The following MCMDC2 variants were observed in gnomAD, a reference collection of about 807,000 sequenced individuals.
The protein encoded by MCMDC2 is minichromosome maintenance domain-containing protein 2.
A neutral mutation model predicts 75.8 loss-of-function variants in MCMDC2; 54 were observed. The ratio of observed to expected loss-of-function variants is 0.71; its 90% CI spans 0.57 to 0.89. The LOEUF is 0.89. Ranked by LOEUF, MCMDC2 falls within the 40% of genes least tolerant of loss-of-function variation. MCMDC2 has a pLI of 0.00. For missense variants in MCMDC2, 656 were observed against 780.4 expected (o/e 0.84, Z 1.90); for synonymous variants, 249 against 274.6 (o/e 0.91, Z 0.92).
chr8:66,896,014 G>A (rs529172600), intron 10 of MCMDC2, among the ~76,000 whole-genome samples, 156 bp from the exon 11 acceptor site: 13 of 152,250 alleles, frequency 8.5e-5, no homozygotes, highest in South Asian at 2.1e-4. Context: ...TTTTATGGCA[G>A]AACTTAGAGC....
chr8:66,890,367 C>T (rs1812045820), intron 9 of MCMDC2, among the ~76,000 whole-genome samples: 1 of 152,112 alleles, frequency 6.6e-6, no homozygotes, highest in African/African-American at 2.4e-5. Context: ...CGCCTGGCCA[C>T]CATGGATGTT....
At chr8:66,886,773 TC>T (rs1811862136) in intron 9 of MCMDC2, among the ~76,000 whole-genome samples, 1 of 141,602 alleles carries the variant, frequency 7.1e-6, no homozygotes, top group Non-Finnish European at 1.5e-5. Context: ...AGACTCAGTC[TC>T]AAAAAAAAAA....
At chr8:66,902,255 G>A (rs1362877709) in intron 13 of MCMDC2, among the ~76,000 whole-genome samples, 1 of 151,344 alleles carries the variant, frequency 6.6e-6, no homozygotes, top group Non-Finnish European at 1.5e-5. Context: ...GCTGGGCCTG[G>A]TGGCAGGTGC....
Position 66,920,107 on chromosome 8 carries a change from A to T in MCMDC2, c.*938A>T, listed in dbSNP as rs1264015483. The T allele has an allele frequency of 1.3e-5, 2 of 152,222 alleles. No individual in the cohort carries two copies. Among genetic ancestry groups the T allele is most frequent in the African/African-American group, 4.8e-5 (2 of 41,450 alleles). The allele number at this position is 152,222 out of a possible 1,614,324, so 9.4% of individuals were successfully genotyped here. ...CAATTCTTTCAAAACTGGTCCCTTAACAGAGATGCTTAACTGTACAGCTGG... is the reference window on the plus strand; with the variant it reads ...CAATTCTTTCAAAACTGGTCCCTTATCAGAGATGCTTAACTGTACAGCTGG... On this transcript the variant is annotated 3_prime_UTR_variant, in exon 15 of 15. Coordinates refer to ENST00000422365, the MANE Select transcript of MCMDC2 (RefSeq NM_173518.5).
At chr8:66,871,272 A>G (rs1442114731) in intron 1 of MCMDC2, among the ~76,000 whole-genome samples, 1 of 152,092 alleles carries the variant, frequency 6.6e-6, no homozygotes, top group Admixed American at 6.6e-5. Context: ...TACATCTATC[A>G]GGGAATCCCA....
chr8:66,926,165 C>T (rs1813708752), downstream of MCMDC2: 1 of 152,092 alleles, frequency 6.6e-6, no homozygotes, highest in African/African-American at 2.4e-5. Flanking sequence ...AACCAAAAAA[C>T]ATATATATAG....
rs560676095 is a variant in MCMDC2, at chr8:66,883,954, G to A, written c.1033G>A (p.Asp345Asn). 6.2e-7 allele frequency: 1 copy of A among 1,613,616 alleles called. No individual in the cohort carries two copies. Among genetic ancestry groups the A allele is most frequent in the South Asian group, 1.1e-5 (1 of 91,070 alleles). The stretch of plus-strand genomic sequence containing the variant: ...TAACAAGGAACTGGAAGATTGCCTG[G>A]ATATTTTAATTATAACAAGTGATAC... ...DRNKELEDCLDILIITSDTLL... is the reference protein window; with the variant it reads ...DRNKELEDCLNILIITSDTLL... Residue 345 changes from aspartate to asparagine, a missense_variant, in exon 9 of 15, where the codon GAT (aspartate) becomes AAT (asparagine). By Grantham distance (23) the Asp-to-Asn change is conservative (BLOSUM62 1). Transcript: ENST00000422365.
chr8:66,902,724 A>G (rs1215707122), intron 13 of MCMDC2, among the ~76,000 whole-genome samples: 2 of 139,944 alleles, frequency 1.4e-5, no homozygotes, highest in African/African-American at 5.4e-5. Context: ...ATATATATAT[A>G]TATATATATA....
intron 10 of MCMDC2, among the ~76,000 whole-genome samples, chr8:66,891,293 T>A (rs4737815): frequency 0.98 from 149,132 of 152,318 alleles, 73,013 homozygotes; most frequent in East Asian, 1. Context: ...CTTGTAATGG[T>A]CCAGATTTAT....
At chr8:66,922,649 A>G (rs1349037745), downstream of MCMDC2, 2 of 372,150 alleles carry the variant, frequency 5.4e-6, no homozygotes, top group Admixed American at 6.0e-5. Flanking sequence ...TAGTTTTTTC[A>G]CAACCTTCTA....
intron 13 of MCMDC2, among the ~76,000 whole-genome samples, chr8:66,904,480 C>G (rs1435178301): frequency 6.6e-6 from 1 of 152,078 alleles, no homozygotes; most frequent in African/African-American, 2.4e-5. Context: ...TAGTTAGTTG[C>G]AAAACTTTCA....
intron 14 of MCMDC2, among the ~76,000 whole-genome samples, chr8:66,908,283 T>G (rs1313256200): frequency 6.6e-6 from 1 of 152,154 alleles, no homozygotes; most frequent in Non-Finnish European, 1.5e-5. Context: ...CTGTTTTCTG[T>G]GTATGGCTAG....
chr8:66,891,383 C>T (rs1291441557), intron 10 of MCMDC2, among the ~76,000 whole-genome samples: 1 of 152,186 alleles, frequency 6.6e-6, no homozygotes, highest in African/African-American at 2.4e-5. Context: ...AGGACATCCT[C>T]GCCTTGTTCC....
intron 10 of MCMDC2, among the ~76,000 whole-genome samples, chr8:66,894,780 G>A (rs541761464): frequency 2.6e-5 from 4 of 152,100 alleles, no homozygotes; most frequent in Non-Finnish European, 4.4e-5. Flanking sequence ...ATTCCCCACT[G>A]AAAGTGTACA....
At chr8:66,915,112 T>A (rs780646918) in intron 14 of MCMDC2, among the ~76,000 whole-genome samples, 1 of 152,022 alleles carries the variant, frequency 6.6e-6, no homozygotes, top group Non-Finnish European at 1.5e-5. Context: ...AAAGGATTGC[T>A]TGAGCCCAGG....
intron 14 of MCMDC2, among the ~76,000 whole-genome samples, chr8:66,910,157 CCTGCAGAAGTTTG>C (rs1813045854): frequency 6.6e-6 from 1 of 152,182 alleles, no homozygotes; most frequent in South Asian, 2.1e-4. Context: ...TGTGGATATC[CCTGCAGAAGTTTG>C]CTGCAGGGAT....
intron 12 of MCMDC2, among the ~76,000 whole-genome samples, chr8:66,897,355 C>T (rs1319171226): frequency 3.4e-5 from 5 of 148,370 alleles, no homozygotes; most frequent in East Asian, 4.0e-4. Flanking sequence ...TGCAGTGAGC[C>T]GAGATCGCAC....
chr8:66,916,781 TGGTTTTGAAGTAAGTGGGAACTCAA>T (rs1182685857), intron 14 of MCMDC2, among the ~76,000 whole-genome samples: 2 of 152,080 alleles, frequency 1.3e-5, no homozygotes, highest in Non-Finnish European at 2.9e-5. Context: ...GAGTGGGTTG[TGGTTTTGAAGTAAGTGGGAACTCAA>T]GGTTTTGAAG....
At chr8:66,874,278 ACTC>A in intron 2 of MCMDC2, 44 bp downstream of exon 2, 9 of 1,602,476 alleles carry the variant, frequency 5.6e-6, no homozygotes, top group Non-Finnish European at 6.8e-6. Flanking sequence ...TTTCAAATAA[ACTC>A]CTACACATAG....
Sources: allele counts gnomAD v4.1 joint callset (sites outside exome capture counted in the v4.1 genomes callset), GRCh38; gene constraint gnomAD v4.1.1; transcripts MANE v1.5; gene names NCBI Gene and HGNC (gene_info 2026-07-23, HGNC 2026-07-21).